SEMA3A: variants seen among roughly 807,000 people sequenced by gnomAD.
SEMA3A encodes semaphorin 3A, also known as semaphorin-3A.
Under a neutral mutation model 97.9 loss-of-function variants are expected in SEMA3A, and 29 were observed. The ratio of observed to expected loss-of-function variants is 0.30; its 90% CI spans 0.22 to 0.40. The LOEUF (loss-of-function observed/expected upper bound fraction) is 0.40, where lower values mean the gene tolerates loss of function less well. Ranked by LOEUF, SEMA3A falls within the 10% of genes least tolerant of loss-of-function variation. SEMA3A has a pLI of 1.00. For synonymous variants in SEMA3A, 321 were observed against 323.7 expected, an observed-to-expected ratio of 0.99 and a Z score of 0.09; for missense variants, 763 against 951.3, an observed-to-expected ratio of 0.80 and a Z score of 2.60.
intron 3 of SEMA3A, among the ~76,000 whole-genome samples, chr7:84,233,858 G>A (rs1344869848): frequency 3.9e-5 from 6 of 151,924 alleles, no homozygotes; most frequent in African/African-American, 7.2e-5. Flanking sequence ...TTGGTGAAGC[G>A]TAGAGCCCTG....
chr7:84,360,267 TG>T (rs1554370528), intron 2 of SEMA3A, among the ~76,000 whole-genome samples: 1 of 152,158 alleles, frequency 6.6e-6, no homozygotes, highest in Non-Finnish European at 1.5e-5. Context: ...CTTTCTCTTG[TG>T]GGCATTTAGT....
intron 1 of SEMA3A, among the ~76,000 whole-genome samples, chr7:84,410,293 G>A (rs2116247194): frequency 6.6e-6 from 1 of 151,858 alleles, no homozygotes; most frequent in East Asian, 1.9e-4. Flanking sequence ...TTTTTCATTT[G>A]TTGAGAATTG....
At chr7:84,419,380 T>C (rs1804525137) in intron 1 of SEMA3A, among the ~76,000 whole-genome samples, 1 of 152,072 alleles carries the variant, frequency 6.6e-6, no homozygotes, top group South Asian at 2.1e-4. Flanking sequence ...TGTTATTATC[T>C]CCATTGTATA....
chr7:84,179,815 C>G (rs943197571), intron 1 of SEMA3A, among the ~76,000 whole-genome samples: 3 of 151,042 alleles, frequency 2.0e-5, no homozygotes, highest in Non-Finnish European at 2.9e-5. Flanking sequence ...ATTATGAAGA[C>G]AAACATCAAG....
At chr7:84,394,857 ATAAAT>A (rs1803682922) in intron 1 of SEMA3A, among the ~76,000 whole-genome samples, 1 of 152,184 alleles carries the variant, frequency 6.6e-6, no homozygotes, top group South Asian at 2.1e-4. Context: ...TGAAGTGGAA[ATAAAT>A]TAAAGCATTC....
At chr7:84,359,041 G>A (rs529483623) in intron 2 of SEMA3A, among the ~76,000 whole-genome samples, 15 of 152,314 alleles carry the variant, frequency 9.8e-5, no homozygotes, top group Non-Finnish European at 2.1e-4. Context: ...ATTTTGGGCT[G>A]AGACGATGGG....
intron 4 of SEMA3A, among the ~76,000 whole-genome samples, chr7:84,085,926 C>G (rs1245992933): frequency 6.6e-6 from 1 of 152,098 alleles, no homozygotes; most frequent in Non-Finnish European, 1.5e-5. Context: ...TATTGTCAAC[C>G]CAGACTGTTT....
intron 1 of SEMA3A, among the ~76,000 whole-genome samples, chr7:84,172,028 CA>C (rs2116207043): frequency 6.6e-6 from 1 of 152,188 alleles, no homozygotes; most frequent in African/African-American, 2.4e-5. Flanking sequence ...TTTCAAATCC[CA>C]CATTCTTTTT....
chr7:83,964,990 CTG>C (rs1223453147), intron 15 of SEMA3A, among the ~76,000 whole-genome samples: 1 of 152,078 alleles, frequency 6.6e-6, no homozygotes, highest in Non-Finnish European at 1.5e-5. Flanking sequence ...GCTGGAAAAT[CTG>C]TAATTCAGGA....
chr7:84,163,057 C>G (rs1400258070), intron 1 of SEMA3A, among the ~76,000 whole-genome samples: 2 of 152,120 alleles, frequency 1.3e-5, no homozygotes, highest in African/African-American at 2.4e-5. Context: ...TCTGGGTACT[C>G]TGCAAGATAA....
intron 3 of SEMA3A, among the ~76,000 whole-genome samples, chr7:84,214,094 T>A (rs1293415596): frequency 1.3e-5 from 2 of 152,174 alleles, no homozygotes; most frequent in Non-Finnish European, 2.9e-5. Flanking sequence ...CATGCATCAG[T>A]TTTCAATGCC....
At chr7:84,459,505 G>A (rs573193061) in intron 1 of SEMA3A, among the ~76,000 whole-genome samples, 1 of 152,102 alleles carries the variant, frequency 6.6e-6, no homozygotes, top group African/African-American at 2.4e-5. Flanking sequence ...TGCTATTAAT[G>A]TTAGTAGAGA....
At position 84,405,138 on chromosome 7, in the gene SEMA3A, C is replaced by T. The variant is rs182102863; in HGVS notation, c.-245-33238G>A. Among the ~76,000 whole-genome samples the T allele has an allele frequency of 7.1e-4, 108 of 152,028 alleles. 1 individual carries two copies. Among genetic ancestry groups the T allele is most frequent in the African/African-American group, 2.4e-3 (100 of 41,474 alleles). ...GGTCAAGACCCATCAGTGTGCTGTACTCAGGAAACCCATCTCAGGTGCAGA... is the reference window on the plus strand; with the variant it reads ...GGTCAAGACCCATCAGTGTGCTGTATTCAGGAAACCCATCTCAGGTGCAGA... On this transcript the variant is annotated intron_variant, in intron 1 of 3. Transcript: ENST00000424555.
At chr7:84,399,584 C>T (rs1039944143) in intron 1 of SEMA3A, among the ~76,000 whole-genome samples, 5 of 152,140 alleles carry the variant, frequency 3.3e-5, no homozygotes, top group Non-Finnish European at 7.4e-5. Context: ...AGCCCAACCA[C>T]GTTAAAATAA....
chr7:84,095,840 T>C (rs544756419), intron 4 of SEMA3A, among the ~76,000 whole-genome samples: 14 of 152,150 alleles, frequency 9.2e-5, no homozygotes, highest in African/African-American at 2.9e-4. Flanking sequence ...ACTACTTTTA[T>C]GAGAATAAAA....
intron 4 of SEMA3A, among the ~76,000 whole-genome samples, chr7:84,069,132 A>T (rs2115743613): frequency 6.6e-6 from 1 of 152,224 alleles, no homozygotes; most frequent in African/African-American, 2.4e-5. Flanking sequence ...TAGAGAGATA[A>T]AATGACACTT....
chr7:84,457,988 G>A (rs1202854421), intron 1 of SEMA3A, among the ~76,000 whole-genome samples: 1 of 151,978 alleles, frequency 6.6e-6, no homozygotes, highest in Non-Finnish European at 1.5e-5. Context: ...CAGGGTCTAA[G>A]TATACCTGAC....
intron 1 of SEMA3A, among the ~76,000 whole-genome samples, chr7:84,485,972 G>A (rs1395842151): frequency 6.6e-6 from 1 of 152,124 alleles, no homozygotes; most frequent in Non-Finnish European, 1.5e-5. Flanking sequence ...TTCTTGGCCA[G>A]AGAAAGAAAT....
intron 6 of SEMA3A, among the ~76,000 whole-genome samples, chr7:84,027,084 A>G (rs1234007404): frequency 1.3e-5 from 2 of 152,194 alleles, no homozygotes; most frequent in Non-Finnish European, 2.9e-5. Context: ...TTTCTTCCAA[A>G]TCAATATTTT....
Sources: allele counts gnomAD v4.1 joint callset (sites outside exome capture counted in the v4.1 genomes callset), GRCh38; gene constraint gnomAD v4.1.1; transcripts MANE v1.5; gene names NCBI Gene and HGNC (gene_info 2026-07-23, HGNC 2026-07-21).